Variants in CTNNA1 observed in about 807,000 individuals in gnomAD.
CTNNA1 encodes catenin alpha-1.
A neutral mutation model predicts 98.4 loss-of-function variants in CTNNA1; 37 were observed. That is an observed-to-expected ratio of 0.38 (90% CI 0.29 to 0.49). The LOEUF is 0.49. CTNNA1 is among the 20% of genes least tolerant of loss of function. The pLI is 0.95. For synonymous variants in CTNNA1, 404 were observed against 413.2 expected, an observed-to-expected ratio of 0.98 and a Z score of 0.27; for missense variants, 761 against 1,147.2, an observed-to-expected ratio of 0.66 and a Z score of 4.86.
Position 138,920,248 on chromosome 5 carries a change from A to G in CTNNA1, c.1546+2350A>G, listed in dbSNP as rs550726496. Among the ~76,000 whole-genome samples the G allele has an allele frequency of 4.6e-5, 7 of 152,188 alleles. No individual in the cohort carries two copies. In the South Asian group the frequency reaches 1.2e-3, roughly 27 times the overall value. On this transcript the variant is annotated intron_variant, in intron 11 of 17. Coordinates refer to ENST00000302763, the MANE Select transcript of CTNNA1 (RefSeq NM_001903.5). ...ACCCGCTTCAGCCTCCCAAAGTGCT[A>G]GGATTACAGGCATGAGCCACCGTGC...
chr5:138,931,696 C>A (rs1050025932), intron 16 of CTNNA1: 1 of 985,320 alleles, frequency 1.0e-6, no homozygotes, highest in Non-Finnish European at 1.2e-6. Flanking sequence ...CTGTTCTTTC[C>A]TCTCTCCACT....
chr5:138,927,661 GT>G (rs1431874029), intron 13 of CTNNA1, among the ~76,000 whole-genome samples: 2 of 152,114 alleles, frequency 1.3e-5, no homozygotes, highest in African/African-American at 2.4e-5. Context: ...ATTTTTGTCT[GT>G]TTGTCACTTT....
At chr5:138,878,457 A>T (rs973999993) in intron 7 of CTNNA1, among the ~76,000 whole-genome samples, 2 of 152,240 alleles carry the variant, frequency 1.3e-5, no homozygotes, top group Non-Finnish European at 2.9e-5. Flanking sequence ...TAAAGTGGCA[A>T]TACTACTTCT....
At chr5:138,838,927 G>A (rs1441620136) in intron 7 of CTNNA1, among the ~76,000 whole-genome samples, 1 of 151,676 alleles carries the variant, frequency 6.6e-6, no homozygotes, top group Admixed American at 6.6e-5. Context: ...TACCGTGCCC[G>A]GCCTATATTT....
intron 4 of CTNNA1, 149 bp downstream of exon 4, chr5:138,810,353 AC>A (rs1758555707): frequency 3.8e-6 from 3 of 782,648 alleles, no homozygotes; most frequent in Non-Finnish European, 6.0e-6. Flanking sequence ...ATTTCCACTT[AC>A]TCCTCTATTC....
rs28363489 is a variant in CTNNA1 at position 138,930,696 on chromosome 5, T to A, written c.2192+42T>A. 1,393 of 1,592,596 alleles carry A rather than the reference T, an allele frequency of 8.7e-4. 1 individual carries two copies. In the African/African-American group the frequency reaches 0.017, roughly 19 times the overall value. On this transcript the variant is annotated intron_variant, in intron 15 of 17. Transcript: ENST00000302763. ...CCCCACCAGGCTGCACAGGGGCTAC[T>A]TTCTTCCCCACAGGTCACCTGCGCA...
At chr5:138,814,403 A>G (rs1241167924) in intron 5 of CTNNA1, among the ~76,000 whole-genome samples, 1 of 151,942 alleles carries the variant, frequency 6.6e-6, no homozygotes, top group Non-Finnish European at 1.5e-5. Context: ...TTATTTTTGT[A>G]TTGGCTTAGT....
rs1021590336 is a variant in CTNNA1 at position 138,929,327 on chromosome 5, G to T, written c.1981G>T (p.Asp661Tyr). Residue 661 changes from aspartate (D) to tyrosine (Y), a missense_variant, in exon 14 of 18, where the codon GAT becomes TAT. Physicochemically the swap from Asp to Tyr is radical, Grantham distance 160. Transcript: ENST00000302763. The stretch of plus-strand genomic sequence containing the variant: ...CAGGACGAGCGTCCAGACAGAAGAC[G>T]ATCAGCTGATAGCTGGCCAGAGTGC... Reference protein sequence around the residue: ...RSRTSVQTEDDQLIAGQSARA... With the variant: ...RSRTSVQTEDYQLIAGQSARA... 2.5e-6 allele frequency: 4 copies of T among 1,607,218 alleles called. No individual in the cohort carries two copies. The South Asian group carries it at 4.4e-5, about 18-fold the overall frequency.
chr5:138,827,478 A>AGAT (rs1760838415), intron 6 of CTNNA1, 37 bp from the exon 7 acceptor site: 1 of 1,603,042 alleles, frequency 6.2e-7, no homozygotes, highest in Admixed American at 1.7e-5. Context: ...AAGGGAACAG[A>AGAT]GATGAGTACT....
Position 138,911,459 on chromosome 5 carries a change from C to T in CTNNA1, c.1390-6283C>T, listed in dbSNP as rs189457030. Reference sequence around the variant, plus strand: ...GATTATCCTAGATTATCCCAGTGGACCCCCCCCCAATATAATCATAAGTGT... The same window carrying T: ...GATTATCCTAGATTATCCCAGTGGATCCCCCCCCAATATAATCATAAGTGT... On this transcript the variant is annotated intron_variant, in intron 10 of 17. Coordinates refer to ENST00000302763, the MANE Select transcript of CTNNA1 (RefSeq NM_001903.5). 4.0e-3 allele frequency among the ~76,000 whole-genome samples: 531 copies of T among 132,768 alleles called. 2 individuals are homozygous for T. The highest frequency in any genetic ancestry group is 0.016 in the African/African-American group (454 of 27,892). The allele number at this position is 132,768 out of a possible 152,430, so 87.1% of individuals were successfully genotyped here.
At chr5:138,819,382 A>G (rs1759783128) in intron 5 of CTNNA1, among the ~76,000 whole-genome samples, 1 of 152,198 alleles carries the variant, frequency 6.6e-6, no homozygotes, top group South Asian at 2.1e-4. Context: ...TTCAGACTCT[A>G]GAGAATCCAG....
chr5:138,925,112 CAA>C, intron 12 of CTNNA1, 142 bp from the exon 13 acceptor site: 1 of 828,034 alleles, frequency 1.2e-6, no homozygotes, highest in Non-Finnish European at 1.8e-6. Context: ...TAATTTATTT[CAA>C]CTGTAAATAC....
At chr5:138,856,335 C>A (rs1409914160) in intron 7 of CTNNA1, among the ~76,000 whole-genome samples, 2 of 152,030 alleles carry the variant, frequency 1.3e-5, no homozygotes, top group East Asian at 3.9e-4. Context: ...GCATTTCTTT[C>A]TTTTCCTTTT....
chr5:138,907,702 T>A (rs1192887078), intron 10 of CTNNA1, among the ~76,000 whole-genome samples: 1 of 152,254 alleles, frequency 6.6e-6, no homozygotes, highest in Non-Finnish European at 1.5e-5. Flanking sequence ...TGTTTTAATA[T>A]GCTGCAGCAT....
intron 1 of CTNNA1, among the ~76,000 whole-genome samples, chr5:138,780,743 C>G (rs1300703566): frequency 1.3e-5 from 2 of 151,796 alleles, no homozygotes; most frequent in African/African-American, 2.4e-5. Context: ...GTCGAACTCC[C>G]GACCTCAGGT....
intron 7 of CTNNA1, among the ~76,000 whole-genome samples, chr5:138,864,836 A>C (rs1176604697): frequency 6.6e-6 from 1 of 151,484 alleles, no homozygotes; most frequent in African/African-American, 2.4e-5. Flanking sequence ...GTTTTTGGAG[A>C]GGGAGTCTTG....
chr5:138,871,305 T>C (rs1054396266), intron 7 of CTNNA1: 1 of 152,242 alleles, frequency 6.6e-6, no homozygotes, highest in Non-Finnish European at 1.5e-5. Flanking sequence ...TAAAAAATGC[T>C]CATTTTCTAA....
chr5:138,829,288 A>G (rs941213898), intron 7 of CTNNA1, among the ~76,000 whole-genome samples: 15 of 152,254 alleles, frequency 9.9e-5, no homozygotes, highest in African/African-American at 3.6e-4. Context: ...TAAAAGATGG[A>G]TATGTTGCAG....
Position 138,793,706 on chromosome 5 carries a change from T to C in CTNNA1, c.301+10334T>C, listed in dbSNP as rs566230613. Among the ~76,000 whole-genome samples the C allele has an allele frequency of 2.6e-5, 4 of 152,360 alleles. No individual in the cohort carries two copies. In the South Asian group the frequency reaches 8.3e-4, roughly 32 times the overall value. On this transcript the variant is annotated intron_variant, in intron 3 of 17. Transcript: ENST00000302763. Reference sequence around the variant, plus strand: ...GAAAGTGATTCCAAGTTGAAATGCATGTTATGCATTTATTTGAATGTGTAA... The same window carrying C: ...GAAAGTGATTCCAAGTTGAAATGCACGTTATGCATTTATTTGAATGTGTAA...
Sources: allele counts gnomAD v4.1 joint callset (sites outside exome capture counted in the v4.1 genomes callset), GRCh38; gene constraint gnomAD v4.1.1; transcripts MANE v1.5; gene names NCBI Gene and HGNC (gene_info 2026-07-23, HGNC 2026-07-21).